The following NEO1 variants were observed in gnomAD, a reference collection of about 807,000 sequenced individuals.
NEO1 encodes the protein neogenin.
In NEO1, 63 loss-of-function variants were observed where a neutral mutation model predicts 159.7. That is an observed-to-expected ratio of 0.39 (90% CI 0.32 to 0.49). The LOEUF is 0.49. Among genes scored for constraint, NEO1 ranks in the 20% least tolerant of loss-of-function variants. NEO1 has a pLI of 0.85. For missense variants in NEO1, 1,615 were observed against 1,831.0 expected, an observed-to-expected ratio of 0.88 and a Z score of 2.15; for synonymous variants, 633 against 662.0, an observed-to-expected ratio of 0.96 and a Z score of 0.67.
intron 4 of NEO1, among the ~76,000 whole-genome samples, chr15:73,132,582 A>G (rs1475556264): frequency 6.6e-6 from 1 of 152,224 alleles, no homozygotes; most frequent in Non-Finnish European, 1.5e-5. Flanking sequence ...AGAAATAATC[A>G]GTAGAGTAAA....
upstream of NEO1, among the ~76,000 whole-genome samples, chr15:73,052,178 G>GC (rs2067464835): frequency 6.7e-6 from 1 of 148,976 alleles, no homozygotes. Flanking sequence ...GGGGAGGGGA[G>GC]CGGGCCCGCC....
chr15:73,070,822 G>A (rs1292637007), intron 1 of NEO1, among the ~76,000 whole-genome samples: 1 of 152,200 alleles, frequency 6.6e-6, no homozygotes, highest in Non-Finnish European at 1.5e-5. Context: ...TATCATGGTT[G>A]ACTATGGGTA....
intron 5 of NEO1, among the ~76,000 whole-genome samples, chr15:73,160,857 C>T (rs906192516): frequency 1.3e-5 from 2 of 152,116 alleles, no homozygotes; most frequent in African/African-American, 4.8e-5. Flanking sequence ...TTGATTACAT[C>T]ATTGGCCACT....
At chr15:73,063,081 A>G (rs1338523485) in intron 1 of NEO1, among the ~76,000 whole-genome samples, 1 of 152,230 alleles carries the variant, frequency 6.6e-6, no homozygotes, top group Non-Finnish European at 1.5e-5. Flanking sequence ...TAGACCTAGA[A>G]TAAGAATTAT....
intron 1 of NEO1, among the ~76,000 whole-genome samples, chr15:73,069,151 CAG>C (rs1410524825): frequency 2.4e-5 from 3 of 124,362 alleles, no homozygotes; most frequent in Non-Finnish European, 5.1e-5. Context: ...TTTGTAGAGA[CAG>C]GGTTTTGCTA....
intron 7 of NEO1, among the ~76,000 whole-genome samples, chr15:73,203,644 T>C (rs1172585569): frequency 1.3e-5 from 2 of 152,144 alleles, no homozygotes; most frequent in Non-Finnish European, 2.9e-5. Flanking sequence ...AAATTTTTAG[T>C]GGTTGCCCTC....
At chr15:73,051,903 G>A (rs952397037), upstream of NEO1, 2 of 152,572 alleles carry the variant, frequency 1.3e-5, no homozygotes, top group African/African-American at 4.8e-5. Flanking sequence ...GGACTGTGCA[G>A]AGGTGCGCGC....
At chr15:73,293,689 A>G in intron 26 of NEO1, 141 bp downstream of exon 26, 1 of 926,956 alleles carries the variant, frequency 1.1e-6, no homozygotes, top group East Asian at 2.7e-5. Flanking sequence ...TCTGTGACTG[A>G]CTCAAATTTG....
At chr15:73,217,930 C>A (rs1228595663) in intron 7 of NEO1, among the ~76,000 whole-genome samples, 3 of 152,178 alleles carry the variant, frequency 2.0e-5, no homozygotes, top group Non-Finnish European at 2.9e-5. Context: ...CCTTCTCCTG[C>A]CTAATTGCCC....
chr15:73,128,680 A>C (rs529573384), intron 4 of NEO1, among the ~76,000 whole-genome samples: 1 of 152,322 alleles, frequency 6.6e-6, no homozygotes, highest in Non-Finnish European at 1.5e-5. Flanking sequence ...AAGACAAATT[A>C]TATCAGGAGT....
At chr15:73,164,307 G>A (rs2034420442) in intron 5 of NEO1, among the ~76,000 whole-genome samples, 1 of 149,320 alleles carries the variant, frequency 6.7e-6, no homozygotes, top group African/African-American at 2.5e-5. Flanking sequence ...TCCACTTCCT[G>A]GGTTCAGTCC....
intron 1 of NEO1, among the ~76,000 whole-genome samples, chr15:73,074,094 T>A (rs1309013108): frequency 6.6e-6 from 1 of 152,210 alleles, no homozygotes; most frequent in Admixed American, 6.5e-5. Flanking sequence ...CTACTAAGCT[T>A]TTTCTTTAAT....
chr15:73,115,251 C>T (rs2071239403), intron 1 of NEO1, among the ~76,000 whole-genome samples: 1 of 152,172 alleles, frequency 6.6e-6, no homozygotes, highest in Non-Finnish European at 1.5e-5. Context: ...CCATGTTGGC[C>T]AGGCTGGTCT....
chr15:73,298,560 C>T lies in NEO1; in HGVS notation c.4114C>T (p.Pro1372Ser), dbSNP rs757375572. 1 of 1,614,218 alleles carries T rather than the reference C, an allele frequency of 6.2e-7. No homozygotes were observed. The highest frequency in any genetic ancestry group is 8.5e-7 in the Non-Finnish European group (1 of 1,180,036). ...CGTGCCAGCAATCCCGCCTCCAGGA[C>T]CTCCCACCTATGATCCTGCATTGCC... ...FAVPAIPPPG[P>S]PTYDPALPST... The change falls in exon 27 of 29, where the codon CCT (proline) becomes TCT (serine). Residue 1372 changes from proline to serine, a missense_variant. This residue lies in a region of NEO1 where 471 missense variants were observed against 498.9 expected (regional missense o/e 0.94). Transcript: ENST00000261908.
Position 73,302,678 on chromosome 15 carries a change from C to T in NEO1, c.4368C>T (p.Asn1456=), listed in dbSNP as rs146829305. Reference sequence around the variant, plus strand: ...TGGAAGGACTAATGAAGGACCTAAACGCTATCACAACAGCATGACGACCTT... The same window carrying T: ...TGGAAGGACTAATGAAGGACCTAAATGCTATCACAACAGCATGACGACCTT... The part of the protein sequence containing the change: ...AHLEGLMKDL[N]AITTA Residue 1456 remains asparagine, a synonymous_variant, in exon 29 of 29, where the codon AAC becomes AAT. Transcript: ENST00000261908. 1.1e-3 allele frequency: 1,715 copies of T among 1,614,024 alleles called. 3 individuals are homozygous for T. Among genetic ancestry groups the T allele is most frequent in the Middle Eastern group, 2.5e-3 (15 of 6,062 alleles).
At chr15:73,235,184 T>C (rs1177715228) in intron 7 of NEO1, among the ~76,000 whole-genome samples, 7 of 152,196 alleles carry the variant, frequency 4.6e-5, no homozygotes, top group African/African-American at 1.7e-4. Flanking sequence ...TTCACAGACA[T>C]TTCCAGGAGG....
intron 5 of NEO1, among the ~76,000 whole-genome samples, chr15:73,159,530 A>G (rs183603918): frequency 6.6e-6 from 1 of 152,164 alleles, no homozygotes; most frequent in African/African-American, 2.4e-5. Context: ...AAAACCACAT[A>G]AATATATCCC....
chr15:73,171,303 C>T (rs1014537357), intron 5 of NEO1, among the ~76,000 whole-genome samples: 2 of 152,124 alleles, frequency 1.3e-5, no homozygotes, highest in African/African-American at 2.4e-5. Flanking sequence ...TGGCTCATGC[C>T]TGTAAACCTA....
At chr15:73,255,804 A>G (rs1303537692) in intron 13 of NEO1, 3 of 152,202 alleles carry the variant, frequency 2.0e-5, no homozygotes, top group Admixed American at 6.5e-5. Context: ...CCTCAGCTGC[A>G]TCGGCTTAGT....
Sources: gnomAD v4.1 joint callset for allele counts (sites outside exome capture counted in the v4.1 genomes callset) on GRCh38, gnomAD v4.1.1 for gene constraint, gnomAD v4.1.1 regional missense constraint, MANE v1.5 for transcripts, NCBI Gene and HGNC (gene_info 2026-07-23, HGNC 2026-07-21) for gene names.